The following LRP11 variants were observed in gnomAD, a reference collection of about 807,000 sequenced individuals.
LRP11 encodes LDL receptor related protein 11.
In LRP11, 25 loss-of-function variants were observed where a neutral mutation model predicts 43.1. The ratio of observed to expected loss-of-function variants is 0.58; its 90% confidence interval spans 0.42 to 0.81. LRP11 has a LOEUF of 0.81. Ranked by LOEUF, LRP11 falls within the 30% of genes least tolerant of loss-of-function variation. The pLI, the probability that LRP11 is intolerant of heterozygous loss-of-function variation, is 0.00. For missense variants in LRP11, 623 were observed against 665.1 expected (o/e 0.94, Z 0.70); for synonymous variants, 316 against 299.4 (o/e 1.06, Z -0.57).
intron 1 of LRP11, among the ~76,000 whole-genome samples, chr6:149,861,388 C>T (rs1776891697): frequency 6.6e-6 from 1 of 152,168 alleles, no homozygotes; most frequent in South Asian, 2.1e-4. Context: ...GGACCAGCAC[C>T]GCGCTCGCCT....
At chr6:149,821,335 A>G (rs895925871) in intron 6 of LRP11, among the ~76,000 whole-genome samples, 1 of 152,220 alleles carries the variant, frequency 6.6e-6, no homozygotes, top group Non-Finnish European at 1.5e-5. Flanking sequence ...CAACTGAAAT[A>G]GGCATTCTGA....
rs561647658 is a variant in LRP11, at chr6:149,826,126, G to A, written c.1348+138C>T. On this transcript the variant is annotated intron_variant, in intron 6 of 6. Transcript: ENST00000239367. ...CAAGACGCAGTGCAATACAAGCAAC[G>A]AGGAGACAGTTCTTTCGGTCCACTG... is the stretch of plus-strand genomic sequence containing the variant. 7.1e-5 allele frequency: 54 copies of A among 755,536 alleles called. No homozygotes were observed. In the African/African-American group the frequency reaches 8.9e-4, roughly 12 times the overall value. The allele number at this position is 755,536 out of a possible 1,614,324, so 46.8% of individuals were successfully genotyped here. A position where few individuals can be genotyped will look rare whatever the true frequency, so the allele number is the denominator to read the frequency against.
chr6:149,829,473 A>G (rs2115376730), intron 5 of LRP11, among the ~76,000 whole-genome samples: 2 of 152,166 alleles, frequency 1.3e-5, no homozygotes, highest in Middle Eastern at 6.8e-3. Flanking sequence ...AGGCAGGTGA[A>G]TCGCTTGAAT....
chr6:149,859,396 A>ATATATATT, intron 1 of LRP11, among the ~76,000 whole-genome samples: 3 of 71,496 alleles, frequency 4.2e-5, no homozygotes, highest in Admixed American at 3.4e-4. Context: ...ATATATATAT[A>ATATATATT]TTTTTTTTTT....
intron 3 of LRP11, chr6:149,842,777 C>T: frequency 7.7e-7 from 1 of 1,295,576 alleles, no homozygotes; most frequent in Non-Finnish European, 1.1e-6. Context: ...GGAGTGCTTC[C>T]TCCACCCCAA....
chr6:149,838,152 C>T (rs746182742), intron 3 of LRP11, among the ~76,000 whole-genome samples: 39 of 151,780 alleles, frequency 2.6e-4, no homozygotes, highest in Non-Finnish European at 5.0e-4. Flanking sequence ...CTCCTGACCT[C>T]AACTGATCCA....
intron 1 of LRP11, among the ~76,000 whole-genome samples, chr6:149,859,430 C>G (rs1283875144): frequency 3.5e-5 from 3 of 85,656 alleles, no homozygotes; most frequent in Non-Finnish European, 6.3e-5. Flanking sequence ...GAGTCTTGCT[C>G]TGTCGCCCAG....
chr6:149,837,756 C>A (rs1052563995), intron 3 of LRP11, among the ~76,000 whole-genome samples: 2 of 152,172 alleles, frequency 1.3e-5, no homozygotes, highest in Non-Finnish European at 2.9e-5. Context: ...TCTCTCCACC[C>A]TTGATTCCCC....
intron 2 of LRP11, among the ~76,000 whole-genome samples, chr6:149,847,073 C>T (rs1438574554): frequency 2.6e-5 from 4 of 152,166 alleles, no homozygotes; most frequent in Admixed American, 6.5e-5. Context: ...AGGCTGCTGG[C>T]GTCACCCTGT....
At chr6:149,831,654 C>A (rs1449060182) in intron 5 of LRP11, among the ~76,000 whole-genome samples, 1 of 152,160 alleles carries the variant, frequency 6.6e-6, no homozygotes, top group Non-Finnish European at 1.5e-5. Flanking sequence ...AAAAGTGGGA[C>A]AATTGGGTCA....
Position 149,863,792 on chromosome 6 carries a change from G to T in LRP11, c.229C>A (p.Leu77Met). 1 of 1,490,794 alleles carries T rather than the reference G, an allele frequency of 6.7e-7. No homozygotes were observed. The highest frequency in any genetic ancestry group is 8.9e-7 in the Non-Finnish European group (1 of 1,127,854). 92.3% of individuals were successfully genotyped at this position (1,490,794 alleles called of 1,614,324 possible). The change falls in exon 1 of 7, where the codon CTG (leucine) becomes ATG (methionine). Residue 77 changes from leucine to methionine, a missense_variant. By Grantham distance (15) the Leu-to-Met change is conservative. Transcript: ENST00000239367. ...QQERPQEELE[L>M]ELRAGGGPQE... The stretch of plus-strand genomic sequence containing the variant: ...GGGCCGCCGCCCGCGCGCAGCTCCA[G>T]CTCCAGCTCCTCCTGAGGCCGCTCC...
rs972585061 is a variant in LRP11 at position 149,864,194 on chromosome 6, G to A, written c.-174C>T. On this transcript the variant is annotated 5_prime_UTR_variant, in exon 1 of 7. Transcript: ENST00000239367. ...CTGCTCCCCCGAGGTCGCGGGCGCCGGCGGGAACCGCAGTAGCGGGAGACA... is the reference window on the plus strand; with the variant it reads ...CTGCTCCCCCGAGGTCGCGGGCGCCAGCGGGAACCGCAGTAGCGGGAGACA... 8.0e-6 allele frequency: 9 copies of A among 1,122,818 alleles called. No homozygotes were observed. Among genetic ancestry groups the A allele is most frequent in the Non-Finnish European group, 9.8e-6 (9 of 919,664 alleles). The allele number at this position is 1,122,818 out of a possible 1,614,324, so 69.6% of individuals were successfully genotyped here.
chr6:149,829,567 T>TAAATA (rs1437394845), intron 5 of LRP11, among the ~76,000 whole-genome samples: 86 of 150,266 alleles, frequency 5.7e-4, no homozygotes, highest in African/African-American at 2.1e-3. Context: ...TCTAAAAAAA[T>TAAATA]AAATAAAATA....
At chr6:149,846,224 G>A (rs765981899) in intron 2 of LRP11, among the ~76,000 whole-genome samples, 8 of 152,210 alleles carry the variant, frequency 5.3e-5, no homozygotes, top group Admixed American at 6.5e-5. Context: ...AGAGGTGGGC[G>A]GGTGTGTCAC....
intron 5 of LRP11, among the ~76,000 whole-genome samples, chr6:149,829,420 G>C (rs577902489): frequency 6.6e-6 from 1 of 152,148 alleles, no homozygotes; most frequent in South Asian, 2.1e-4. Flanking sequence ...AATTAGCTGG[G>C]AATGACGGCA....
chr6:149,834,766 C>G (rs528281088), intron 5 of LRP11, among the ~76,000 whole-genome samples: 78 of 152,340 alleles, frequency 5.1e-4, no homozygotes, highest in Non-Finnish European at 8.8e-4. Flanking sequence ...GCATTCTTAA[C>G]CAAAACTCAG....
chr6:149,831,359 T>C (rs1023907049), intron 5 of LRP11, among the ~76,000 whole-genome samples: 4 of 152,214 alleles, frequency 2.6e-5, no homozygotes, highest in African/African-American at 9.6e-5. Flanking sequence ...TAGCCCTTTG[T>C]AGGGCTGGAA....
At chr6:149,824,160 C>T (rs768443946) in intron 6 of LRP11, among the ~76,000 whole-genome samples, 2 of 152,170 alleles carry the variant, frequency 1.3e-5, no homozygotes, top group African/African-American at 2.4e-5. Context: ...AGCCCCAGTC[C>T]GGGGGACTTG....
chr6:149,839,251 T>A (rs1433846976), intron 3 of LRP11, among the ~76,000 whole-genome samples: 1 of 152,022 alleles, frequency 6.6e-6, no homozygotes, highest in East Asian at 1.9e-4. Flanking sequence ...AAGGAGTCTA[T>A]CTTGGTGTGA....
Sources: allele counts gnomAD v4.1 joint callset (sites outside exome capture counted in the v4.1 genomes callset), GRCh38; gene constraint gnomAD v4.1.1; transcripts MANE v1.5; gene names NCBI Gene and HGNC (gene_info 2026-07-23, HGNC 2026-07-21).